IL17RD: variants seen among roughly 807,000 people sequenced by gnomAD.
IL17RD encodes the protein interleukin-17 receptor D.
Under a neutral mutation model 80.5 loss-of-function variants are expected in IL17RD, and 52 were observed. The ratio of observed to expected loss-of-function variants is 0.65; its 90% CI spans 0.52 to 0.81. IL17RD has a LOEUF of 0.81. IL17RD is among the 40% of genes least tolerant of loss of function. The probability of loss-of-function intolerance (pLI) is 0.00; values close to 1 mark genes in which losing one functional copy is unlikely to be tolerated. For synonymous variants in IL17RD, 416 were observed against 391.8 expected (o/e 1.06, Z -0.73); for missense variants, 1,024 against 955.1 (o/e 1.07, Z -0.95).
At chr3:57,140,011 A>T (rs531215513) in intron 1 of IL17RD, among the ~76,000 whole-genome samples, 1 of 152,278 alleles carries the variant, frequency 6.6e-6, no homozygotes, top group South Asian at 2.1e-4. Flanking sequence ...CTTAAAAAAA[A>T]AAATCTGGCC....
intron 1 of IL17RD, among the ~76,000 whole-genome samples, chr3:57,162,803 G>A (rs941497135): frequency 4.6e-5 from 7 of 152,186 alleles, no homozygotes; most frequent in African/African-American, 1.2e-4. Flanking sequence ...CCTGGCTAAA[G>A]AAACTAGTCT....
At chr3:57,145,522 G>A (rs913694480) in intron 1 of IL17RD, among the ~76,000 whole-genome samples, 1 of 152,118 alleles carries the variant, frequency 6.6e-6, no homozygotes, top group Non-Finnish European at 1.5e-5. Context: ...ACTATATGTA[G>A]GACAAATGCT....
rs985126753 is a variant in IL17RD at position 57,094,898 on chromosome 3, C to T, written c.*1495G>A. The T allele has an allele frequency of 6.6e-6, 1 of 152,644 alleles. No individual in the cohort carries two copies. Among genetic ancestry groups the T allele is most frequent in the Non-Finnish European group, 1.5e-5 (1 of 68,044 alleles). The allele number at this position is 152,644 out of a possible 1,614,324, so 9.5% of individuals were successfully genotyped here. On this transcript the variant is annotated 3_prime_UTR_variant, in exon 13 of 13. Transcript: ENST00000296318. ...ACGAGCACGTTCTTTTCCCAAAAAG[C>T]TGCCAGCTGCCTTTACAGAGCAGTG...
chr3:57,155,426 T>C (rs937964491), intron 1 of IL17RD, among the ~76,000 whole-genome samples: 8 of 152,224 alleles, frequency 5.3e-5, no homozygotes, highest in African/African-American at 1.4e-4. Context: ...ACACTCTCCC[T>C]GTCATGAGTG....
At position 57,113,434 on chromosome 3, in the gene IL17RD, A is replaced by C. The variant is rs545421156; in HGVS notation, c.310+1258T>G. On this transcript the variant is annotated intron_variant, in intron 3 of 12. Transcript: ENST00000296318. ...GTATTTTTAGTGGAGACGGGGTTTCACCATGTTGGTCAGGCTAGTCTCAAA... is the reference window on the plus strand; with the variant it reads ...GTATTTTTAGTGGAGACGGGGTTTCCCCATGTTGGTCAGGCTAGTCTCAAA... 5.3e-5 allele frequency among the ~76,000 whole-genome samples: 8 copies of C among 152,112 alleles called. No homozygotes were observed. In the East Asian group the frequency reaches 1.6e-3, roughly 30 times the overall value.
intron 1 of IL17RD, among the ~76,000 whole-genome samples, chr3:57,126,852 T>C (rs1034769990): frequency 5.9e-5 from 9 of 151,418 alleles, no homozygotes; most frequent in African/African-American, 2.2e-4. Flanking sequence ...TGAGGCGGAG[T>C]CTTGCTTAGT....
chr3:57,102,848 T>C (rs1236352734), intron 9 of IL17RD, among the ~76,000 whole-genome samples: 1 of 152,192 alleles, frequency 6.6e-6, no homozygotes, highest in African/African-American at 2.4e-5. Context: ...AAATCTCCCC[T>C]CCCACCACTT....
chr3:57,128,811 G>T (rs1241173635), intron 1 of IL17RD, among the ~76,000 whole-genome samples: 3 of 152,044 alleles, frequency 2.0e-5, no homozygotes, highest in African/African-American at 7.2e-5. Context: ...ATGCACACAA[G>T]CAAACTTTCT....
In IL17RD at chr3:57,093,310, A is replaced by G. The variant is rs1706599798; in HGVS notation, c.*3083T>C. ...CATTGGCATTGCCCATTTCTCTTCA[A>G]TAAAGACAGAAATAATATTTTCTCT... On this transcript the variant is annotated 3_prime_UTR_variant, in exon 13 of 13. Coordinates refer to ENST00000296318, the MANE Select transcript of IL17RD (RefSeq NM_017563.5). The G allele has an allele frequency of 6.6e-6, 1 of 152,214 alleles. No individual in the cohort carries two copies. The highest frequency in any genetic ancestry group is 1.5e-5 in the Non-Finnish European group (1 of 68,030). The allele number at this position is 152,214 out of a possible 1,614,324, so 9.4% of individuals were successfully genotyped here.
intron 1 of IL17RD, 101 bp downstream of exon 1, chr3:57,165,060 G>A (rs1346185533): frequency 8.0e-6 from 11 of 1,371,060 alleles, no homozygotes; most frequent in African/African-American, 1.5e-5. Flanking sequence ...ACCCCGCGAA[G>A]AGCAGACAGG....
At chr3:57,161,305 A>G (rs1314121369) in intron 1 of IL17RD, among the ~76,000 whole-genome samples, 2 of 152,246 alleles carry the variant, frequency 1.3e-5, no homozygotes, top group African/African-American at 2.4e-5. Context: ...ATGAAAATGC[A>G]TCCAATTCAG....
rs139629850 is a variant in IL17RD, at chr3:57,097,609, G to C, written c.2094C>G (p.Ser698=). ...AAGGCACCTTACCCAGGCCTGAAGA[G>C]GAGGACACGCTCTCCGTCAGGGAAG... ...ETSSLTESVS[S]SSGLGEEEPP... is the part of the protein sequence containing the mutation. The change falls in exon 12 of 13, where the codon TCC becomes TCG. Residue 698 remains serine, a synonymous_variant. Coordinates refer to ENST00000296318, the MANE Select transcript of IL17RD (RefSeq NM_017563.5). The C allele has an allele frequency of 9.1e-5, 143 of 1,576,016 alleles. No homozygotes were observed. The highest frequency in any genetic ancestry group is 2.0e-5 in the Non-Finnish European group (23 of 1,161,088).
intron 1 of IL17RD, among the ~76,000 whole-genome samples, chr3:57,159,305 ATG>A (rs1358949750): frequency 6.6e-6 from 1 of 152,102 alleles, no homozygotes; most frequent in East Asian, 1.9e-4. Context: ...TTTCAATAGG[ATG>A]TGATCACTTG....
chr3:57,139,855 T>G (rs1280588411), intron 1 of IL17RD, among the ~76,000 whole-genome samples: 1 of 152,174 alleles, frequency 6.6e-6, no homozygotes, highest in Non-Finnish European at 1.5e-5. Context: ...GAGCAAATAA[T>G]TATACTGCTA....
intron 1 of IL17RD, among the ~76,000 whole-genome samples, chr3:57,137,664 G>A (rs1185934147): frequency 4.6e-5 from 7 of 152,240 alleles, no homozygotes; most frequent in Admixed American, 3.9e-4. Context: ...ACAGATGGAA[G>A]GTATTTAAGA....
At chr3:57,109,703 C>G (rs745886704) in intron 4 of IL17RD, 46 bp from the exon 5 acceptor site, 5 of 1,590,414 alleles carry the variant, frequency 3.1e-6, no homozygotes, top group Non-Finnish European at 4.3e-6. Context: ...AAATTACCCA[C>G]CCCTCCACCT....
chr3:57,132,097 G>C (rs1207661543), intron 1 of IL17RD, among the ~76,000 whole-genome samples: 3 of 151,008 alleles, frequency 2.0e-5, no homozygotes, highest in African/African-American at 7.3e-5. Context: ...GAGGCAGGGG[G>C]ATCGCTTGAG....
At chr3:57,109,489 C>T (rs1460775226) in intron 5 of IL17RD, 48 bp downstream of exon 5, 9 of 1,583,716 alleles carry the variant, frequency 5.7e-6, no homozygotes, top group African/African-American at 1.4e-5. Context: ...TCATTAAAAG[C>T]GGAGAAAAGT....
chr3:57,116,282 CTTT>C (rs66563028), intron 2 of IL17RD, among the ~76,000 whole-genome samples: 10 of 102,538 alleles, frequency 9.8e-5, no homozygotes, highest in Non-Finnish European at 1.6e-4. Context: ...TTTTTCTTTT[CTTT>C]TTTTTTTTTT....
Sources: gnomAD v4.1 joint callset for allele counts (sites outside exome capture counted in the v4.1 genomes callset) on GRCh38, gnomAD v4.1.1 for gene constraint, MANE v1.5 for transcripts, NCBI Gene and HGNC (gene_info 2026-07-23, HGNC 2026-07-21) for gene names.